The following CD38 variants were observed in gnomAD, a reference collection of about 807,000 sequenced individuals.
CD38 encodes the protein CD38 molecule.
CD38 carries 31 observed loss-of-function variants against 36.3 expected under a neutral mutation model. That is an observed-to-expected ratio of 0.85 (90% CI 0.64 to 1.15). CD38 has a LOEUF of 1.15. CD38 is among the 50% of genes most tolerant of loss of function. The probability of loss-of-function intolerance (pLI) is 0.00; values close to 1 mark genes in which losing one functional copy is unlikely to be tolerated. For missense variants in CD38, 380 were observed against 371.9 expected (o/e 1.02, Z -0.18); for synonymous variants, 131 against 135.2 (o/e 0.97, Z 0.22).
At chr4:15,809,342 T>G (rs1417530479) in intron 1 of CD38, among the ~76,000 whole-genome samples, 1 of 152,214 alleles carries the variant, frequency 6.6e-6, no homozygotes, top group Non-Finnish European at 1.5e-5. Context: ...TAACTGCTGG[T>G]CTAACATTTA....
At chr4:15,800,048 T>A (rs1429578265) in intron 1 of CD38, among the ~76,000 whole-genome samples, 1 of 152,042 alleles carries the variant, frequency 6.6e-6, no homozygotes, top group East Asian at 1.9e-4. Context: ...CAGAAAAATG[T>A]ATAAAAACAG....
At chr4:15,824,419 CT>C (rs1421294965) in intron 2 of CD38, among the ~76,000 whole-genome samples, 1 of 151,710 alleles carries the variant, frequency 6.6e-6, no homozygotes, top group African/African-American at 2.4e-5. Context: ...ATTTAAAAAT[CT>C]ATTGTATTTT....
At chr4:15,813,096 C>T (rs1402249524) in intron 1 of CD38, among the ~76,000 whole-genome samples, 1 of 152,144 alleles carries the variant, frequency 6.6e-6, no homozygotes, top group Non-Finnish European at 1.5e-5. Context: ...CTTATCTAAT[C>T]TGGATGAGTT....
chr4:15,823,899 A>T (rs60276707), intron 2 of CD38, among the ~76,000 whole-genome samples: 8,898 of 152,284 alleles, frequency 0.058, 362 homozygotes, highest in East Asian at 0.18. Flanking sequence ...CATGGAATCA[A>T]CTCAAATGCC....
intron 1 of CD38, among the ~76,000 whole-genome samples, chr4:15,802,508 T>TTTATTTTATTTTATTTTATA: frequency 8.7e-6 from 1 of 115,512 alleles, no homozygotes. Flanking sequence ...TTTATTTTAT[T>TTTATTTTATTTTATTTTATA]TTATTTTATT....
At position 15,778,750 on chromosome 4, in the gene CD38, C is replaced by T. The variant is rs566396692; in HGVS notation, c.233+103C>T. Reference sequence around the variant, plus strand: ...GCCCGGAACCGGGCATCTTCCGTGGCGGGTCAGCCGAGAGCCCGCCGGGTG... The same window carrying T: ...GCCCGGAACCGGGCATCTTCCGTGGTGGGTCAGCCGAGAGCCCGCCGGGTG... On this transcript the variant is annotated intron_variant, in intron 1 of 7. Coordinates refer to ENST00000226279, the MANE Select transcript of CD38 (RefSeq NM_001775.4). The surrounding 1 kb of genome is among the most constrained non-coding windows in gnomAD (Gnocchi z 4.9). The T allele has an allele frequency of 2.2e-5, 18 of 825,030 alleles. No homozygotes were observed. The highest frequency in any genetic ancestry group is 3.0e-5 in the Non-Finnish European group (16 of 526,490). 51.1% of individuals were successfully genotyped at this position (825,030 alleles called of 1,614,324 possible). A position where few individuals can be genotyped will look rare whatever the true frequency, so the allele number is the denominator to read the frequency against.
Position 15,778,687 on chromosome 4 carries a change from G to A in CD38, c.233+40G>A. On this transcript the variant is annotated intron_variant, in intron 1 of 7. Coordinates refer to ENST00000226279, the MANE Select transcript of CD38 (RefSeq NM_001775.4). This position sits in a 1 kb window ranked among gnomAD's most constrained non-coding sequence, Gnocchi z 4.9. The stretch of plus-strand genomic sequence containing the variant: ...AAGGCGCACCGGTGGGCACTGCGGG[G>A]ACAGCAGGGCCCCGCGCGCAGGGAA... 1 of 1,402,138 alleles carries A rather than the reference G, an allele frequency of 7.1e-7. No individual in the cohort carries two copies. The highest frequency in any genetic ancestry group is 1.0e-6 in the Non-Finnish European group (1 of 993,442). 86.9% of individuals were successfully genotyped at this position (1,402,138 alleles called of 1,614,324 possible). A position where few individuals can be genotyped will look rare whatever the true frequency, so the allele number is the denominator to read the frequency against.
At chr4:15,797,123 A>G (rs1229916938) in intron 1 of CD38, among the ~76,000 whole-genome samples, 4 of 152,044 alleles carry the variant, frequency 2.6e-5, no homozygotes, top group Non-Finnish European at 5.9e-5. Flanking sequence ...GTATCTTCAA[A>G]TTTTCTGATT....
chr4:15,807,144 C>T (rs971783192), intron 1 of CD38, among the ~76,000 whole-genome samples: 1 of 152,006 alleles, frequency 6.6e-6, no homozygotes, highest in South Asian at 2.1e-4. Context: ...TATCCGATGA[C>T]GTTAGAAAGG....
intron 2 of CD38, among the ~76,000 whole-genome samples, 176 bp from the exon 3 acceptor site, chr4:15,824,705 C>G (rs928398416): frequency 1.3e-5 from 2 of 152,022 alleles, no homozygotes; most frequent in Non-Finnish European, 2.9e-5. Flanking sequence ...CACACACTCT[C>G]TCTCCGCCAC....
At chr4:15,820,586 A>G (rs1014600130) in intron 2 of CD38, among the ~76,000 whole-genome samples, 1 of 152,154 alleles carries the variant, frequency 6.6e-6, no homozygotes, top group African/African-American at 2.4e-5. Context: ...TCAAAAAAGA[A>G]AAAGAAGGGT....
intron 7 of CD38, among the ~76,000 whole-genome samples, chr4:15,847,733 C>T (rs950483558): frequency 6.6e-6 from 1 of 151,768 alleles, no homozygotes; most frequent in Non-Finnish European, 1.5e-5. Flanking sequence ...TGGTCTTATC[C>T]CCAATACTCT....
In CD38 at chr4:15,851,373, C is replaced by G. The variant is rs772931092; in HGVS notation, c.*2771C>G. 3 of 152,156 alleles carry G rather than the reference C, an allele frequency of 2.0e-5. No homozygotes were observed. Among genetic ancestry groups the G allele is most frequent in the Non-Finnish European group, 4.4e-5 (3 of 68,028 alleles). The allele number at this position is 152,156 out of a possible 1,614,324, so 9.4% of individuals were successfully genotyped here. On this transcript the variant is annotated 3_prime_UTR_variant, in exon 8 of 8. Coordinates refer to ENST00000226279, the MANE Select transcript of CD38 (RefSeq NM_001775.4). ...TTGCTCATACACCTCATATTTTACT[C>G]GTAAATCTACTACTCCCTGTCTGCC...
intron 1 of CD38, among the ~76,000 whole-genome samples, chr4:15,787,609 C>T (rs1346558443): frequency 6.6e-6 from 1 of 152,158 alleles, no homozygotes; most frequent in African/African-American, 2.4e-5. Context: ...GGAATGATTA[C>T]GAATCTTTGT....
chr4:15,782,015 G>T (rs1248797652), intron 1 of CD38, among the ~76,000 whole-genome samples: 1 of 152,206 alleles, frequency 6.6e-6, no homozygotes, highest in East Asian at 1.9e-4. Context: ...GAACATCCAA[G>T]ATGTCCCACT....
intron 2 of CD38, among the ~76,000 whole-genome samples, chr4:15,822,540 C>T (rs1354966014): frequency 1.3e-5 from 2 of 152,024 alleles, no homozygotes; most frequent in African/African-American, 2.4e-5. Context: ...CATTCCTGTA[C>T]ACCAACAACA....
chr4:15,842,302 T>G (rs981780991), intron 7 of CD38, among the ~76,000 whole-genome samples: 5 of 137,646 alleles, frequency 3.6e-5, no homozygotes, highest in African/African-American at 1.5e-4. Context: ...AGGGGCACAC[T>G]GACACCTCAC....
chr4:15,791,759 G>T (rs1327339869), intron 1 of CD38, among the ~76,000 whole-genome samples: 1 of 78,084 alleles, frequency 1.3e-5, no homozygotes, highest in Non-Finnish European at 2.3e-5. Flanking sequence ...TGGGAAGTGA[G>T]GATCCCTCTG....
At chr4:15,838,027 A>C in intron 4 of CD38, 65 bp from the exon 5 acceptor site, 1 of 1,307,866 alleles carries the variant, frequency 7.6e-7, no homozygotes, top group Non-Finnish European at 1.1e-6. Flanking sequence ...TATTGTTTTG[A>C]ATGAAACTGC....
Sources: gnomAD v4.1 joint callset for allele counts (sites outside exome capture counted in the v4.1 genomes callset) on GRCh38, gnomAD v4.1.1 for gene constraint, Gnocchi (gnomAD v3.1) non-coding constraint, MANE v1.5 for transcripts, NCBI Gene and HGNC (gene_info 2026-07-23, HGNC 2026-07-21) for gene names.